GAD2: variants seen among roughly 807,000 people sequenced by gnomAD.
GAD2 encodes the protein 65 kDa glutamic acid decarboxylase.
A neutral mutation model predicts 80.1 loss-of-function variants in GAD2; 22 were observed. The ratio of observed to expected loss-of-function variants is 0.27; its 90% confidence interval spans 0.20 to 0.39. The LOEUF (loss-of-function observed/expected upper bound fraction) is 0.39, where lower values mean the gene tolerates loss of function less well. Among genes scored for constraint, GAD2 ranks in the 10% least tolerant of loss-of-function variants. The pLI is 1.00. For synonymous variants in GAD2, 274 were observed against 256.9 expected, an observed-to-expected ratio of 1.07 and a Z score of -0.64; for missense variants, 624 against 738.4, an observed-to-expected ratio of 0.85 and a Z score of 1.80.
At chr10:26,255,014 C>T (rs1221420463) in intron 8 of GAD2, among the ~76,000 whole-genome samples, 2 of 152,136 alleles carry the variant, frequency 1.3e-5, no homozygotes, top group Admixed American at 6.5e-5. Context: ...TATGAGACAC[C>T]GAAGTGAGAG....
Position 26,217,148 on chromosome 10 carries a change from G to A in GAD2, c.76+263G>A, listed in dbSNP as rs1844383371. On this transcript the variant is annotated intron_variant, in intron 1 of 15. Transcript: ENST00000376261. The surrounding 1 kb of genome is among the most constrained non-coding windows in gnomAD (Gnocchi z 4.9). The stretch of plus-strand genomic sequence containing the variant: ...CCCCCAAAGACCGCGGTGTCTCGGG[G>A]ACATGGAATTCCGTGGTCCTGGGGC... 6.6e-6 allele frequency among the ~76,000 whole-genome samples: 1 copy of A among 151,974 alleles called. No individual in the cohort carries two copies.
chr10:26,263,112 T>A (rs1845028034), intron 8 of GAD2, among the ~76,000 whole-genome samples: 1 of 152,196 alleles, frequency 6.6e-6, no homozygotes, highest in Admixed American at 6.5e-5. Flanking sequence ...AAGTAAATGC[T>A]TTTGGAGAAA....
rs554263756 is a variant in GAD2, at chr10:26,292,382, G to A, written c.1387-83G>A. On this transcript the variant is annotated intron_variant, in intron 13 of 15. Transcript: ENST00000376261. ...GCCAGACGGGGCTAAGACAGAGACG[G>A]CAGGATGACGGTCAGTCTCCAGGGA... 1.1e-5 allele frequency: 11 copies of A among 992,632 alleles called. No homozygotes were observed. In the South Asian group the frequency reaches 1.5e-4, roughly 14 times the overall value. 61.5% of individuals were successfully genotyped at this position (992,632 alleles called of 1,614,324 possible).
chr10:26,272,189 C>T (rs185015211), intron 10 of GAD2, among the ~76,000 whole-genome samples: 24 of 152,298 alleles, frequency 1.6e-4, no homozygotes, highest in Admixed American at 6.5e-4. Context: ...CAGTGTGAGT[C>T]GTTCATTAGG....
chr10:26,220,611 C>T (rs1470904543), intron 4 of GAD2, among the ~76,000 whole-genome samples: 2 of 152,176 alleles, frequency 1.3e-5, no homozygotes. Context: ...AATTTTCCTA[C>T]CCCTCCTCAG....
At chr10:26,252,192 C>G (rs1263868441) in intron 8 of GAD2, among the ~76,000 whole-genome samples, 1 of 152,164 alleles carries the variant, frequency 6.6e-6, no homozygotes, top group Non-Finnish European at 1.5e-5. Context: ...ATTAGTCTAT[C>G]AGTGGCTGGG....
At position 26,231,963 on chromosome 10, in the gene GAD2, C is replaced by T. The variant is rs570920692; in HGVS notation, c.840+2186C>T. On this transcript the variant is annotated intron_variant, in intron 7 of 15. Coordinates refer to ENST00000376261, the MANE Select transcript of GAD2 (RefSeq NM_001134366.2). ...GGGCAATCCCCCGTCTCAACCTTAA[C>T]CTAATCACATCTGCAAAGTCCCTTT... Among the ~76,000 whole-genome samples, 6 of 152,300 alleles carry T rather than the reference C, an allele frequency of 3.9e-5. No individual in the cohort carries two copies. In the South Asian group the frequency reaches 1.2e-3, roughly 32 times the overall value.
At chr10:26,229,402 T>G (rs1241726864) in intron 6 of GAD2, among the ~76,000 whole-genome samples, 2 of 152,162 alleles carry the variant, frequency 1.3e-5, no homozygotes, top group East Asian at 3.9e-4. Flanking sequence ...TAAAAACCTC[T>G]TCAAAGGGCT....
intron 12 of GAD2, among the ~76,000 whole-genome samples, chr10:26,285,514 C>T (rs1428485580): frequency 2.6e-5 from 4 of 152,156 alleles, no homozygotes; most frequent in Admixed American, 6.5e-5. Context: ...AAGAGACTGT[C>T]GATACTATTT....
chr10:26,218,858 TATCTC>T (rs762451239), intron 3 of GAD2, among the ~76,000 whole-genome samples, 180 bp from the exon 4 acceptor site: 3 of 152,210 alleles, frequency 2.0e-5, no homozygotes, highest in Non-Finnish European at 4.4e-5. Flanking sequence ...AATCATAATT[TATCTC>T]ATTCATTCCC....
At chr10:26,240,735 A>C (rs139354628) in intron 7 of GAD2, among the ~76,000 whole-genome samples, 10,658 of 151,000 alleles carry the variant, frequency 0.071, 1,232 homozygotes, top group African/African-American at 0.24. Flanking sequence ...CCATCACAAA[A>C]AAAAAAAAAA....
At chr10:26,218,547 T>TCACACACACA (rs1330661129) in intron 3 of GAD2, among the ~76,000 whole-genome samples, 5 of 66,244 alleles carry the variant, frequency 7.5e-5, no homozygotes, top group African/African-American at 1.9e-4. Flanking sequence ...TCTCTCTCTC[T>TCACACACACA]CTCTCACACA....
chr10:26,282,472 A>C (rs1186063251), intron 12 of GAD2, among the ~76,000 whole-genome samples: 1 of 151,880 alleles, frequency 6.6e-6, no homozygotes, highest in African/African-American at 2.4e-5. Context: ...ATTTATAATA[A>C]AGTTGCTATC....
intron 15 of GAD2, among the ~76,000 whole-genome samples, chr10:26,295,742 G>A (rs1212810780): frequency 6.6e-6 from 1 of 152,180 alleles, no homozygotes; most frequent in Non-Finnish European, 1.5e-5. Context: ...GGACAGTGCA[G>A]ATATAGAACA....
intron 5 of GAD2, 72 bp downstream of exon 5, chr10:26,224,049 T>C: frequency 9.2e-7 from 1 of 1,084,244 alleles, no homozygotes; most frequent in Non-Finnish European, 1.4e-6. Context: ...TTACATCTTA[T>C]GTGAAAATCT....
At chr10:26,227,845 C>T (rs150248237) in intron 6 of GAD2, among the ~76,000 whole-genome samples, 2 of 152,342 alleles carry the variant, frequency 1.3e-5, no homozygotes, top group South Asian at 2.1e-4. Context: ...TCAGAGCAGG[C>T]GTGACCTGGA....
intron 7 of GAD2, among the ~76,000 whole-genome samples, chr10:26,236,364 A>G (rs954928730): frequency 2.0e-5 from 3 of 147,972 alleles, no homozygotes; most frequent in Non-Finnish European, 4.4e-5. Flanking sequence ...GCAATGACGC[A>G]ATCTCAGCTC....
rs865775310 is a variant in GAD2 at position 26,292,635 on chromosome 10, T to C, written c.1494+63T>C. ...TCAATTCCAACCCTCATCACTGATA[T>C]GATGTAAATGATGTGCTGTCCAGGT... is the stretch of plus-strand genomic sequence containing the variant. On this transcript the variant is annotated intron_variant, in intron 14 of 15. Coordinates refer to ENST00000376261, the MANE Select transcript of GAD2 (RefSeq NM_001134366.2). The C allele has an allele frequency of 3.9e-5, 46 of 1,181,968 alleles. No individual in the cohort carries two copies. In the South Asian group the frequency reaches 5.0e-4, roughly 13 times the overall value. 73.2% of individuals were successfully genotyped at this position (1,181,968 alleles called of 1,614,324 possible).
intron 7 of GAD2, among the ~76,000 whole-genome samples, chr10:26,240,364 T>G (rs1300166599): frequency 6.6e-6 from 1 of 152,216 alleles, no homozygotes. Context: ...ATTTTTTTAA[T>G]TACAAATATT....
Sources: gnomAD v4.1 joint callset for allele counts (sites outside exome capture counted in the v4.1 genomes callset) on GRCh38, gnomAD v4.1.1 for gene constraint, Gnocchi (gnomAD v3.1) non-coding constraint, MANE v1.5 for transcripts, NCBI Gene and HGNC (gene_info 2026-07-23, HGNC 2026-07-21) for gene names.